ADK: variants seen among roughly 807,000 people sequenced by gnomAD.
The protein encoded by ADK is adenosine kinase, also known as N6,N6-dimethyladenosine kinase.
Under a neutral mutation model 44.7 loss-of-function variants are expected in ADK, and 24 were observed. The ratio of observed to expected loss-of-function variants is 0.54; its 90% confidence interval spans 0.39 to 0.76. The LOEUF (loss-of-function observed/expected upper bound fraction) is 0.76. ADK is among the 30% of genes least tolerant of loss of function. ADK has a pLI of 0.00. For synonymous variants in ADK, 128 were observed against 142.6 expected (o/e 0.90, Z 0.73); for missense variants, 321 against 425.1 (o/e 0.76, Z 2.15).
chr10:74,348,467 T>C (rs1363296433), intron 4 of ADK, among the ~76,000 whole-genome samples: 4 of 151,976 alleles, frequency 2.6e-5, no homozygotes, highest in Non-Finnish European at 4.4e-5. Context: ...GATAAATCCA[T>C]GATGATGAGG....
intron 4 of ADK, among the ~76,000 whole-genome samples, chr10:74,374,787 GTTTA>G (rs1281145043): frequency 6.6e-6 from 1 of 151,986 alleles, no homozygotes; most frequent in Non-Finnish European, 1.5e-5. Flanking sequence ...ATTCACTTTA[GTTTA>G]TTTTTCTTCT....
chr10:74,473,414 T>C (rs916116806), intron 6 of ADK, among the ~76,000 whole-genome samples: 1 of 152,206 alleles, frequency 6.6e-6, no homozygotes, highest in Non-Finnish European at 1.5e-5. Context: ...TTAACTAAAC[T>C]ACAGGTTTAT....
intron 7 of ADK, among the ~76,000 whole-genome samples, chr10:74,565,000 A>G (rs181100709): frequency 6.6e-6 from 1 of 152,230 alleles, no homozygotes; most frequent in East Asian, 1.9e-4. Flanking sequence ...TCTGTGTTGG[A>G]TATTTTCTCC....
intron 7 of ADK, among the ~76,000 whole-genome samples, chr10:74,561,773 G>C (rs1016612342): frequency 1.3e-5 from 2 of 152,136 alleles, no homozygotes; most frequent in African/African-American, 4.8e-5. Flanking sequence ...GGCTAAGCGA[G>C]TCCAAAGCCC....
intron 6 of ADK, among the ~76,000 whole-genome samples, chr10:74,400,847 A>G (rs550549305): frequency 3.7e-4 from 56 of 152,344 alleles, no homozygotes; most frequent in African/African-American, 1.3e-3. Flanking sequence ...TCTTCACACT[A>G]TTCTCCAAAC....
At chr10:74,333,694 C>A (rs961827664) in intron 4 of ADK, among the ~76,000 whole-genome samples, 3 of 151,986 alleles carry the variant, frequency 2.0e-5, no homozygotes, top group Admixed American at 2.0e-4. Context: ...CAAATTTAAT[C>A]TATTTTTTTC....
At chr10:74,457,584 A>G (rs1846001520) in intron 6 of ADK, among the ~76,000 whole-genome samples, 1 of 152,236 alleles carries the variant, frequency 6.6e-6, no homozygotes, top group Admixed American at 6.5e-5. Flanking sequence ...TTATTACAGC[A>G]CTGTTCACAA....
At chr10:74,396,198 T>G (rs1317200694) in intron 5 of ADK, among the ~76,000 whole-genome samples, 1 of 152,184 alleles carries the variant, frequency 6.6e-6, no homozygotes, top group Admixed American at 6.5e-5. Flanking sequence ...GTTGGATCAA[T>G]TGTTTTGGAT....
chr10:74,570,953 A>G (rs1288561722), intron 7 of ADK, among the ~76,000 whole-genome samples: 1 of 152,160 alleles, frequency 6.6e-6, no homozygotes, highest in Non-Finnish European at 1.5e-5. Context: ...TTATTTTGAG[A>G]TACGTCCCAT....
intron 6 of ADK, among the ~76,000 whole-genome samples, chr10:74,484,898 T>G (rs1847210851): frequency 6.6e-6 from 1 of 152,156 alleles, no homozygotes; most frequent in South Asian, 2.1e-4. Context: ...CAATTTCAGG[T>G]GAATTATAGA....
chr10:74,287,618 A>G (rs1847225264), intron 3 of ADK, among the ~76,000 whole-genome samples: 1 of 152,224 alleles, frequency 6.6e-6, no homozygotes, highest in African/African-American at 2.4e-5. Flanking sequence ...AAGCAGAAAT[A>G]TAAATGGAAA....
chr10:74,676,407 G>A (rs1239951633), intron 10 of ADK, among the ~76,000 whole-genome samples: 1 of 152,088 alleles, frequency 6.6e-6, no homozygotes, highest in East Asian at 1.9e-4. Flanking sequence ...TGGATTTACA[G>A]GTATGAGCCA....
At chr10:74,328,479 A>C (rs1461036781) in intron 4 of ADK, among the ~76,000 whole-genome samples, 1 of 151,932 alleles carries the variant, frequency 6.6e-6, no homozygotes, top group East Asian at 1.9e-4. Flanking sequence ...TTACTGTCTG[A>C]TATGGTTTGG....
chr10:74,629,825 A>G (rs1853346424), intron 9 of ADK, among the ~76,000 whole-genome samples: 1 of 152,210 alleles, frequency 6.6e-6, no homozygotes, highest in Non-Finnish European at 1.5e-5. Context: ...ATAACTAGAA[A>G]TGACCTTAGA....
intron 7 of ADK, among the ~76,000 whole-genome samples, chr10:74,559,125 A>G (rs953661462): frequency 2.0e-5 from 3 of 152,126 alleles, no homozygotes; most frequent in Non-Finnish European, 4.4e-5. Flanking sequence ...GCTTCCCTGG[A>G]AGCTGGTGTT....
chr10:74,560,597 G>C (rs1444251775), intron 7 of ADK, among the ~76,000 whole-genome samples: 1 of 152,166 alleles, frequency 6.6e-6, no homozygotes, highest in African/African-American at 2.4e-5. Context: ...ACATGTAACA[G>C]TTTGTTCCTT....
intron 1 of ADK, among the ~76,000 whole-genome samples, chr10:74,197,861 G>A (rs1160682643): frequency 6.6e-6 from 1 of 152,118 alleles, no homozygotes; most frequent in Non-Finnish European, 1.5e-5. Context: ...TGCGGTAGAT[G>A]TTCAAAGGTT....
chr10:74,167,238 C>T (rs1005389001), intron 1 of ADK, among the ~76,000 whole-genome samples: 1 of 152,124 alleles, frequency 6.6e-6, no homozygotes, highest in African/African-American at 2.4e-5. Context: ...AACTCCTAAG[C>T]TCAAGTGATC....
intron 4 of ADK, among the ~76,000 whole-genome samples, chr10:74,339,621 A>C (rs896507380): frequency 6.6e-6 from 1 of 152,216 alleles, no homozygotes; most frequent in Non-Finnish European, 1.5e-5. Flanking sequence ...CATTTTACAG[A>C]TGCAAAAAGT....
Sources: allele counts gnomAD v4.1 joint callset (sites outside exome capture counted in the v4.1 genomes callset), GRCh38; gene constraint gnomAD v4.1.1; transcripts MANE v1.5; gene names NCBI Gene and HGNC (gene_info 2026-07-23, HGNC 2026-07-21).